AGBL1: variants seen among roughly 807,000 people sequenced by gnomAD.
AGBL1 encodes the protein cytosolic carboxypeptidase 4.
AGBL1 carries 130 observed loss-of-function variants against 118.9 expected under a neutral mutation model. The ratio of observed to expected loss-of-function variants is 1.09; its 90% CI spans 0.95 to 1.26. The LOEUF is 1.26. AGBL1 is among the 50% of genes most tolerant of loss of function. The pLI, the probability that AGBL1 is intolerant of heterozygous loss-of-function variation, is 0.00. For missense variants in AGBL1, 1,584 were observed against 1,298.1 expected (o/e 1.22, Z -3.38); for synonymous variants, 555 against 478.9 (o/e 1.16, Z -2.08).
intron 24 of AGBL1, among the ~76,000 whole-genome samples, chr15:87,003,116 G>T (rs1476724759): frequency 1.3e-5 from 2 of 152,138 alleles, no homozygotes; most frequent in Non-Finnish European, 2.9e-5. Flanking sequence ...CTGTGGGTTT[G>T]TCATAAATAG....
At chr15:86,804,831 T>G (rs1320516649) in intron 22 of AGBL1, among the ~76,000 whole-genome samples, 2 of 152,184 alleles carry the variant, frequency 1.3e-5, no homozygotes, top group African/African-American at 4.8e-5. Flanking sequence ...TACCAAAGTT[T>G]CTTTGGAAGA....
intron 18 of AGBL1, among the ~76,000 whole-genome samples, chr15:86,417,283 T>C (rs1474185225): frequency 2.0e-5 from 3 of 152,210 alleles, no homozygotes; most frequent in Non-Finnish European, 4.4e-5. Flanking sequence ...ATTACTCTTC[T>C]TTGGACTTTC....
At chr15:86,158,241 T>C (rs933298433) in intron 4 of AGBL1, among the ~76,000 whole-genome samples, 4 of 152,218 alleles carry the variant, frequency 2.6e-5, no homozygotes, top group African/African-American at 9.6e-5. Flanking sequence ...TGTAGTGAGA[T>C]GAGGAAGCTT....
rs187684024 is a variant in AGBL1 at position 86,678,026 on chromosome 15, T to C, written c.3158+3590T>C. On this transcript the variant is annotated intron_variant, in intron 22 of 22. Coordinates refer to ENST00000614907, the MANE Select transcript of AGBL1 (RefSeq NM_001386094.1). ...TTAAATTGACAGATAAAATTGTATG[T>C]GTTTATTGTGTACCATATGATGCCT... 2.6e-5 allele frequency among the ~76,000 whole-genome samples: 4 copies of C among 152,322 alleles called. No individual in the cohort carries two copies. In the East Asian group the frequency reaches 7.7e-4, roughly 29 times the overall value.
At chr15:86,258,091 A>G in intron 9 of AGBL1, 60 bp downstream of exon 9, 2 of 1,548,372 alleles carry the variant, frequency 1.3e-6, no homozygotes, top group Non-Finnish European at 1.8e-6. Context: ...ACAGAAAAAT[A>G]TTACTTCCTG....
chr15:86,988,715 C>T (rs1200486766), intron 24 of AGBL1, among the ~76,000 whole-genome samples: 1 of 152,060 alleles, frequency 6.6e-6, no homozygotes, highest in African/African-American at 2.4e-5. Flanking sequence ...CTGTATATTG[C>T]TAGTGTGTAA....
intron 22 of AGBL1, among the ~76,000 whole-genome samples, chr15:86,869,688 A>G (rs1212233001): frequency 6.6e-6 from 1 of 152,124 alleles, no homozygotes; most frequent in South Asian, 2.1e-4. Context: ...ATGATAAAAT[A>G]ACAATAATAA....
chr15:86,322,900 C>A (rs1360272959), intron 17 of AGBL1, among the ~76,000 whole-genome samples: 1 of 152,144 alleles, frequency 6.6e-6, no homozygotes, highest in Non-Finnish European at 1.5e-5. Flanking sequence ...GTTTCTGGTT[C>A]ACTTTTGTAT....
At chr15:86,621,200 A>G (rs926633986) in intron 21 of AGBL1, among the ~76,000 whole-genome samples, 5 of 152,192 alleles carry the variant, frequency 3.3e-5, no homozygotes, top group African/African-American at 1.2e-4. Context: ...TTGTTATAAT[A>G]TGTTGATCAA....
intron 1 of AGBL1, among the ~76,000 whole-genome samples, chr15:86,098,592 T>C (rs1011969978): frequency 2.0e-5 from 3 of 152,348 alleles, no homozygotes; most frequent in South Asian, 2.1e-4. Context: ...GTGTATGTTC[T>C]TGGTACCTTT....
chr15:86,954,539 T>G (rs1415914680), intron 23 of AGBL1, among the ~76,000 whole-genome samples: 1 of 152,164 alleles, frequency 6.6e-6, no homozygotes, highest in Non-Finnish European at 1.5e-5. Context: ...CTAAGTGAAT[T>G]AATACAGGAA....
chr15:86,478,635 A>G (rs1168286047), intron 18 of AGBL1, among the ~76,000 whole-genome samples: 6 of 152,232 alleles, frequency 3.9e-5, no homozygotes, highest in Non-Finnish European at 8.8e-5. Context: ...AAGAATCAAT[A>G]TCATGAAAAT....
At chr15:86,325,492 G>A (rs906529401) in intron 17 of AGBL1, among the ~76,000 whole-genome samples, 2 of 152,176 alleles carry the variant, frequency 1.3e-5, no homozygotes, top group African/African-American at 4.8e-5. Flanking sequence ...AATTAGAGAT[G>A]AATGCAGGTT....
At chr15:86,646,792 G>C (rs1239576710) in intron 21 of AGBL1, among the ~76,000 whole-genome samples, 1 of 152,148 alleles carries the variant, frequency 6.6e-6, no homozygotes, top group Non-Finnish European at 1.5e-5. Flanking sequence ...AAAATGGAAC[G>C]ATTCTGCCTT....
intron 4 of AGBL1, among the ~76,000 whole-genome samples, chr15:86,158,216 C>T (rs16948771): frequency 0.099 from 15,082 of 151,646 alleles, 1,007 homozygotes; most frequent in East Asian, 0.23. Context: ...CAGCCTCAGT[C>T]TCTATCTGAA....
chr15:86,654,887 C>T lies in AGBL1; in HGVS notation c.2995-19386C>T, dbSNP rs558121443. 1.2e-4 allele frequency among the ~76,000 whole-genome samples: 19 copies of T among 152,238 alleles called. No individual in the cohort carries two copies. The South Asian group carries it at 3.1e-3, about 25-fold the overall frequency. ...GGGAGCTTCTCATAGCCCCAGGCAC[C>T]GAGAGATTGCCACTCTGGAATCTCT... On this transcript the variant is annotated intron_variant, in intron 21 of 22. Coordinates refer to ENST00000614907, the MANE Select transcript of AGBL1 (RefSeq NM_001386094.1).
chr15:86,680,419 G>C (rs2085931180), intron 22 of AGBL1, among the ~76,000 whole-genome samples: 1 of 151,942 alleles, frequency 6.6e-6, no homozygotes, highest in African/African-American at 2.4e-5. Context: ...CCTGCCTAGA[G>C]ATTTTATGGG....
intron 22 of AGBL1, among the ~76,000 whole-genome samples, chr15:86,897,717 C>T (rs1439294373): frequency 2.7e-5 from 4 of 147,718 alleles, no homozygotes; most frequent in African/African-American, 1.0e-4. Flanking sequence ...ATTTTAATCA[C>T]CTTTTTTTTT....
chr15:86,843,905 T>G (rs1033225066), intron 22 of AGBL1, among the ~76,000 whole-genome samples: 31 of 151,982 alleles, frequency 2.0e-4, no homozygotes, highest in Non-Finnish European at 1.2e-4. Context: ...ACCCTCCTCT[T>G]AGTCCCAGCC....
Sources: gnomAD v4.1 joint callset for allele counts (sites outside exome capture counted in the v4.1 genomes callset) on GRCh38, gnomAD v4.1.1 for gene constraint, MANE v1.5 for transcripts, NCBI Gene and HGNC (gene_info 2026-07-23, HGNC 2026-07-21) for gene names.